Variants in ITGA4 observed in about 807,000 individuals in gnomAD.
ITGA4 encodes integrin alpha-4.
Under a neutral mutation model 133.6 loss-of-function variants are expected in ITGA4, and 63 were observed. The observed-to-expected ratio is 0.47, with a 90% CI of 0.38 to 0.58. ITGA4 has a LOEUF of 0.58. Among genes scored for constraint, ITGA4 ranks in the 20% least tolerant of loss-of-function variants. The pLI is 0.00. For missense variants in ITGA4, 1,076 were observed against 1,252.7 expected (o/e 0.86, Z 2.13); for synonymous variants, 483 against 438.0 (o/e 1.10, Z -1.28).
At chr2:181,459,196 A>G (rs1026153118) in intron 2 of ITGA4, 3 of 152,216 alleles carry the variant, frequency 2.0e-5, no homozygotes, top group Admixed American at 2.0e-4. Flanking sequence ...ATACCTTTTT[A>G]AAAGTTACTT....
chr2:181,530,734 T>C, intron 24 of ITGA4, 85 bp downstream of exon 24: 1 of 1,194,718 alleles, frequency 8.4e-7, no homozygotes, highest in East Asian at 2.4e-5. Flanking sequence ...GTTTGAGCTG[T>C]CACTTCAATA....
Position 181,495,274 on chromosome 2 carries a change from G to A in ITGA4, c.1340-97G>A. 1.2e-6 allele frequency: 1 copy of A among 824,832 alleles called. No individual in the cohort carries two copies. The highest frequency in any genetic ancestry group is 2.1e-6 in the Non-Finnish European group (1 of 473,676). 51.1% of individuals were successfully genotyped at this position (824,832 alleles called of 1,614,324 possible). A position where few individuals can be genotyped will look rare whatever the true frequency, so the allele number is the denominator to read the frequency against. ...TAATTTTCTATAAATAGTGTTTTAG[G>A]TAGTCAAAGGTGATACGTAGTTAAG... On this transcript the variant is annotated intron_variant, in intron 12 of 27. Coordinates refer to ENST00000397033, the MANE Select transcript of ITGA4 (RefSeq NM_000885.6). The surrounding 1 kb of genome is among the most constrained non-coding windows in gnomAD (Gnocchi z 4.3).
intron 16 of ITGA4, among the ~76,000 whole-genome samples, chr2:181,510,425 C>T (rs180992710): frequency 6.6e-6 from 1 of 152,182 alleles, no homozygotes; most frequent in Admixed American, 6.6e-5. Context: ...TGTATTTATT[C>T]TCAGGAGTCC....
At chr2:181,532,012 T>A (rs750648705) in intron 25 of ITGA4, among the ~76,000 whole-genome samples, 2 of 152,184 alleles carry the variant, frequency 1.3e-5, no homozygotes, top group Non-Finnish European at 2.9e-5. Context: ...CAGTGGCTCA[T>A]GCCTGTAATC....
chr2:181,494,970 TC>T (rs1320741355), intron 12 of ITGA4, among the ~76,000 whole-genome samples, 158 bp downstream of exon 12: 1 of 152,196 alleles, frequency 6.6e-6, no homozygotes, highest in Non-Finnish European at 1.5e-5. Flanking sequence ...CCTAAAATGA[TC>T]AAGTAATTCC....
intron 18 of ITGA4, among the ~76,000 whole-genome samples, chr2:181,522,797 AC>A (rs1686747286): frequency 6.6e-6 from 1 of 152,154 alleles, no homozygotes; most frequent in Non-Finnish European, 1.5e-5. Flanking sequence ...ACCAATAGTG[AC>A]CTTTGACCTC....
Position 181,480,927 on chromosome 2 carries a change from G to T in ITGA4, c.754+661G>T, listed in dbSNP as rs147154792. 2.9e-3 allele frequency among the ~76,000 whole-genome samples: 444 copies of T among 152,180 alleles called. 1 individual carries two copies. The highest frequency in any genetic ancestry group is 4.7e-3 in the Non-Finnish European group (322 of 67,978). On this transcript the variant is annotated intron_variant, in intron 6 of 27. Transcript: ENST00000397033. ...TTTCTGGCATTAATGTCCATTACAAGAAAATAAATGCTTTTCCTATAGATT... is the reference window on the plus strand; with the variant it reads ...TTTCTGGCATTAATGTCCATTACAATAAAATAAATGCTTTTCCTATAGATT...
intron 22 of ITGA4, 90 bp from the exon 23 acceptor site, chr2:181,529,451 A>G (rs1207141405): frequency 1.6e-6 from 1 of 629,330 alleles, no homozygotes; most frequent in Non-Finnish European, 2.8e-6. Flanking sequence ...GTTGCATGGA[A>G]TATACGGGAT....
In ITGA4 at chr2:181,495,627, T is replaced by C. The variant is rs1440420144; in HGVS notation, c.1386-156T>C. Among the ~76,000 whole-genome samples, 1 of 152,206 alleles carries C rather than the reference T, an allele frequency of 6.6e-6. No homozygotes were observed. The highest frequency in any genetic ancestry group is 2.4e-5 in the African/African-American group (1 of 41,452). ...ATTTTTAGACATTTAAATAAAAAGT[T>C]ATTTTGCCCTGTGCACAGAAATGTA... is the stretch of plus-strand genomic sequence containing the variant. On this transcript the variant is annotated intron_variant, in intron 13 of 27. Coordinates refer to ENST00000397033, the MANE Select transcript of ITGA4 (RefSeq NM_000885.6). The surrounding 1 kb of genome is among the most constrained non-coding windows in gnomAD (Gnocchi z 4.3).
At chr2:181,503,494 TCA>T (rs1172367856) in intron 15 of ITGA4, among the ~76,000 whole-genome samples, 3 of 151,372 alleles carry the variant, frequency 2.0e-5, no homozygotes, top group Non-Finnish European at 4.4e-5. Flanking sequence ...CAAAAGAGTA[TCA>T]CACAGGATTA....
At chr2:181,532,365 T>C (rs961635351) in intron 25 of ITGA4, among the ~76,000 whole-genome samples, 2 of 152,222 alleles carry the variant, frequency 1.3e-5, no homozygotes, top group African/African-American at 4.8e-5. Context: ...ATTTTCACGA[T>C]ATTGATTCTT....
intron 4 of ITGA4, among the ~76,000 whole-genome samples, chr2:181,475,582 A>G (rs1234044172): frequency 1.3e-5 from 2 of 152,212 alleles, no homozygotes; most frequent in Non-Finnish European, 2.9e-5. Flanking sequence ...ACTAGTACCC[A>G]GCAAATATAG....
At position 181,536,922 on chromosome 2, in the gene ITGA4, T is replaced by C. The variant is rs1395370700; in HGVS notation, c.*1395T>C. On this transcript the variant is annotated 3_prime_UTR_variant, in exon 28 of 28. Coordinates refer to ENST00000397033, the MANE Select transcript of ITGA4 (RefSeq NM_000885.6). The stretch of plus-strand genomic sequence containing the variant: ...AGAAGGCAATGTGGAAAAACAATTC[T>C]GGGAAAGATTTCTTTATATGAAGTC... The C allele has an allele frequency of 8.8e-6, 4 of 453,426 alleles. No individual in the cohort carries two copies. Among genetic ancestry groups the C allele is most frequent in the South Asian group, 1.6e-5 (1 of 64,380 alleles). The allele number at this position is 453,426 out of a possible 1,614,324, so 28.1% of individuals were successfully genotyped here.
At chr2:181,509,525 C>T (rs114429199) in intron 15 of ITGA4, 133 bp from the exon 16 acceptor site, 176 of 491,972 alleles carry the variant, frequency 3.6e-4, no homozygotes, top group African/African-American at 2.8e-3. Context: ...ATTTTTTTAA[C>T]GGTTTAGATA....
chr2:181,499,781 A>T (rs1574398724), intron 15 of ITGA4, among the ~76,000 whole-genome samples: 2 of 152,284 alleles, frequency 1.3e-5, no homozygotes, highest in East Asian at 3.9e-4. Context: ...TCTTTTTTTC[A>T]TGCTTCATAG....
At chr2:181,527,225 C>G (rs1686851896) in intron 21 of ITGA4, 72 bp from the exon 22 acceptor site, 1 of 866,924 alleles carries the variant, frequency 1.2e-6, no homozygotes, top group Non-Finnish European at 1.9e-6. Flanking sequence ...ATAATCCAGA[C>G]TATAGAAAAA....
In ITGA4 at chr2:181,495,580, T is replaced by A. The variant is rs1342986196; in HGVS notation, c.1385+164T>A. ...GTATTTTTTTCACCTTACAGAGATA[T>A]AATTAAATCATCAAAGTCAATATTT... On this transcript the variant is annotated intron_variant, in intron 13 of 27. Transcript: ENST00000397033. This position sits in a 1 kb window ranked among gnomAD's most constrained non-coding sequence, Gnocchi z 4.3. Among the ~76,000 whole-genome samples the A allele has an allele frequency of 5.3e-5, 8 of 152,174 alleles. No homozygotes were observed. The highest frequency in any genetic ancestry group is 1.7e-4 in the African/African-American group (7 of 41,434).
chr2:181,485,992 G>T lies in ITGA4; in HGVS notation c.1153G>T (p.Asp385Tyr). 1.3e-6 allele frequency: 2 copies of T among 1,577,252 alleles called. No homozygotes were observed. The highest frequency in any genetic ancestry group is 2.0e-5 in the Admixed American group (1 of 49,250). Residue 385 changes from aspartate to tyrosine, a missense_variant and splice_region_variant, in exon 10 of 28, where the codon GAT (aspartate) becomes TAT (tyrosine). By Grantham distance (160) the Asp-to-Tyr change is radical. Around this residue, in one of 4 missense-constraint regions of ITGA4, gnomAD observed 436 missense variants for 590.7 expected, o/e 0.74. Coordinates refer to ENST00000397033, the MANE Select transcript of ITGA4 (RefSeq NM_000885.6). Reference sequence around the variant, plus strand: ...CGACATTGACAATGATGGCTTTGAAGGTAATTAAAATTATCAAATTGGTAC... The same window carrying T: ...CGACATTGACAATGATGGCTTTGAATGTAATTAAAATTATCAAATTGGTAC... ...LGDIDNDGFE[D>Y]VAIGAPQEDD...
chr2:181,481,539 C>T, intron 6 of ITGA4, 59 bp from the exon 7 acceptor site: 1 of 759,022 alleles, frequency 1.3e-6, no homozygotes, highest in Admixed American at 2.2e-5. Context: ...CTATTTTACC[C>T]ATATTACCAT....
Sources: allele counts gnomAD v4.1 joint callset (sites outside exome capture counted in the v4.1 genomes callset), GRCh38; gene constraint gnomAD v4.1.1; regional missense constraint gnomAD v4.1.1; non-coding constraint Gnocchi (gnomAD v3.1); transcripts MANE v1.5; gene names NCBI Gene and HGNC (gene_info 2026-07-23, HGNC 2026-07-21).